Variants in FSTL5 observed in about 807,000 individuals in gnomAD.
FSTL5 encodes the protein follistatin-related protein 5.
A neutral mutation model predicts 89.1 loss-of-function variants in FSTL5; 62 were observed. That is an observed-to-expected ratio of 0.70 (90% CI 0.57 to 0.86). The LOEUF is 0.86. Among genes scored for constraint, FSTL5 ranks in the 40% least tolerant of loss-of-function variants. The pLI is 0.00. For missense variants in FSTL5, 1,057 were observed against 1,001.6 expected, an observed-to-expected ratio of 1.06 and a Z score of -0.75; for synonymous variants, 383 against 346.2, an observed-to-expected ratio of 1.11 and a Z score of -1.18.
chr4:161,851,368 A>C (rs1314417380), intron 4 of FSTL5, among the ~76,000 whole-genome samples: 1 of 152,170 alleles, frequency 6.6e-6, no homozygotes, highest in African/African-American at 2.4e-5. Context: ...CCACTATTAG[A>C]ATAATCTGTT....
chr4:161,863,261 C>A (rs1023040693), intron 4 of FSTL5, among the ~76,000 whole-genome samples: 3 of 152,220 alleles, frequency 2.0e-5, no homozygotes, highest in African/African-American at 4.8e-5. Context: ...TCATGATGAA[C>A]AAGGTAGGTT....
intron 2 of FSTL5, among the ~76,000 whole-genome samples, chr4:162,055,067 C>T (rs1158846749): frequency 6.6e-6 from 1 of 151,728 alleles, no homozygotes; most frequent in Admixed American, 6.6e-5. Flanking sequence ...ATGAGATGGG[C>T]TGTATTTGCT....
At chr4:161,951,274 G>A (rs191734283) in intron 3 of FSTL5, among the ~76,000 whole-genome samples, 4 of 152,034 alleles carry the variant, frequency 2.6e-5, no homozygotes, top group East Asian at 1.9e-4. Context: ...CTTTATTAGC[G>A]TGTAAGAACA....
At chr4:161,689,930 C>G (rs1251774967) in intron 6 of FSTL5, among the ~76,000 whole-genome samples, 3 of 152,098 alleles carry the variant, frequency 2.0e-5, no homozygotes, top group Non-Finnish European at 2.9e-5. Flanking sequence ...TGTTGTTTCA[C>G]TTATCATACT....
chr4:161,693,639 T>TTA (rs1738030841), intron 6 of FSTL5, among the ~76,000 whole-genome samples: 2 of 141,400 alleles, frequency 1.4e-5, no homozygotes, highest in Non-Finnish European at 3.1e-5. Flanking sequence ...TGTAAATCTT[T>TTA]TTTTTTTTTT....
chr4:161,628,790 T>G (rs1176303723), intron 7 of FSTL5, among the ~76,000 whole-genome samples: 2 of 152,178 alleles, frequency 1.3e-5, no homozygotes, highest in African/African-American at 4.8e-5. Flanking sequence ...TGCTCATTTC[T>G]AATGTCAAGA....
At chr4:162,010,858 T>A (rs1674885782) in intron 3 of FSTL5, among the ~76,000 whole-genome samples, 2 of 152,262 alleles carry the variant, frequency 1.3e-5, no homozygotes, top group Non-Finnish European at 1.5e-5. Flanking sequence ...AACATTTTCA[T>A]TGTTTTCATT....
intron 6 of FSTL5, among the ~76,000 whole-genome samples, chr4:161,716,152 C>A (rs1483568077): frequency 6.6e-6 from 1 of 152,046 alleles, no homozygotes; most frequent in African/African-American, 2.4e-5. Flanking sequence ...GGAAATAGAC[C>A]CTGCCATAGG....
chr4:161,943,556 T>C (rs2009943625), intron 3 of FSTL5, among the ~76,000 whole-genome samples: 1 of 114,508 alleles, frequency 8.7e-6, no homozygotes, highest in African/African-American at 3.4e-5. Context: ...TTTTTTTTTT[T>C]TTTTTTTTTT....
chr4:161,551,793 C>T (rs1732224041), intron 8 of FSTL5, among the ~76,000 whole-genome samples: 1 of 152,012 alleles, frequency 6.6e-6, no homozygotes, highest in African/African-American at 2.4e-5. Context: ...ATGTAGAAAG[C>T]TGAAACTGGA....
chr4:161,856,677 T>TATATATAA (rs1731732473), intron 4 of FSTL5, among the ~76,000 whole-genome samples: 1 of 149,486 alleles, frequency 6.7e-6, no homozygotes, highest in South Asian at 2.1e-4. Flanking sequence ...TATATATATA[T>TATATATAA]AAATATGTAT....
In FSTL5 at chr4:161,844,183, A is replaced by G. The variant is rs569835573; in HGVS notation, c.410-68109T>C. On this transcript the variant is annotated intron_variant, in intron 4 of 15. Coordinates refer to ENST00000306100, the MANE Select transcript of FSTL5 (RefSeq NM_020116.5). ...AGACATATATGCAGCCAATAAACAT[A>G]TGAAAAAAGCTCATCATCACTGGTC... 2.0e-5 allele frequency among the ~76,000 whole-genome samples: 3 copies of G among 152,128 alleles called. No homozygotes were observed. The East Asian group carries it at 5.8e-4, about 29-fold the overall frequency.
At chr4:161,871,980 T>A (rs1732276320) in intron 4 of FSTL5, among the ~76,000 whole-genome samples, 3 of 130,458 alleles carry the variant, frequency 2.3e-5, no homozygotes, top group East Asian at 2.4e-4. Flanking sequence ...AAAAACATAA[T>A]AAAATAATTT....
chr4:162,091,189 C>G (rs1293732778), intron 2 of FSTL5, among the ~76,000 whole-genome samples: 1 of 152,126 alleles, frequency 6.6e-6, no homozygotes, highest in Non-Finnish European at 1.5e-5. Context: ...CCCCCTAAGA[C>G]CAGATTGAGG....
chr4:161,586,194 T>C (rs1438270319), intron 8 of FSTL5, among the ~76,000 whole-genome samples: 1 of 152,196 alleles, frequency 6.6e-6, no homozygotes, highest in Non-Finnish European at 1.5e-5. Flanking sequence ...TCCATTTATA[T>C]TTATTTCTAA....
intron 2 of FSTL5, among the ~76,000 whole-genome samples, chr4:162,043,999 C>T (rs1379240466): frequency 6.6e-6 from 1 of 152,132 alleles, no homozygotes; most frequent in Admixed American, 6.6e-5. Flanking sequence ...ATCTATGATG[C>T]TGGAATCACC....
chr4:162,004,449 C>T (rs1179978611), intron 3 of FSTL5, among the ~76,000 whole-genome samples: 2 of 152,154 alleles, frequency 1.3e-5, no homozygotes, highest in African/African-American at 4.8e-5. Flanking sequence ...TACCAACCTC[C>T]ACTTCACTCA....
chr4:162,074,656 A>G (rs1443021480), intron 2 of FSTL5, among the ~76,000 whole-genome samples: 1 of 151,806 alleles, frequency 6.6e-6, no homozygotes, highest in Non-Finnish European at 1.5e-5. Flanking sequence ...ACAAATAAAA[A>G]TCATATATAT....
intron 14 of FSTL5, among the ~76,000 whole-genome samples, chr4:161,457,060 C>T (rs895662197): frequency 6.6e-6 from 1 of 152,122 alleles, no homozygotes; most frequent in African/African-American, 2.4e-5. Flanking sequence ...AGGCTCTCCA[C>T]GTGACCCAAA....
Sources: allele counts gnomAD v4.1 joint callset (sites outside exome capture counted in the v4.1 genomes callset), GRCh38; gene constraint gnomAD v4.1.1; transcripts MANE v1.5; gene names NCBI Gene and HGNC (gene_info 2026-07-23, HGNC 2026-07-21).